MXD1: variants seen among roughly 807,000 people sequenced by gnomAD.
The protein encoded by MXD1 is MAX-binding protein.
MXD1 carries 9 observed loss-of-function variants against 25.7 expected under a neutral mutation model. The observed-to-expected ratio is 0.35, with a 90% confidence interval of 0.21 to 0.61. The LOEUF (loss-of-function observed/expected upper bound fraction) is 0.61. Among genes scored for constraint, MXD1 ranks in the 20% least tolerant of loss-of-function variants. MXD1 has a pLI of 0.75. For synonymous variants in MXD1, 99 were observed against 113.9 expected, an observed-to-expected ratio of 0.87 and a Z score of 0.83; for missense variants, 227 against 292.4, an observed-to-expected ratio of 0.78 and a Z score of 1.63.
chr2:69,921,937 G>A lies in MXD1; in HGVS notation c.203+172G>A, dbSNP rs191774266. On this transcript the variant is annotated intron_variant, in intron 3 of 5. Coordinates refer to ENST00000264444, the MANE Select transcript of MXD1 (RefSeq NM_002357.4). The stretch of plus-strand genomic sequence containing the variant: ...CATAAATTACTTAGGTAGATGTAGA[G>A]CTTGCCAGTTAAAAGACCACACCCC... Among the ~76,000 whole-genome samples, 25 of 152,246 alleles carry A rather than the reference G, an allele frequency of 1.6e-4. 2 individuals are homozygous for A. The East Asian group carries it at 4.6e-3, about 28-fold the overall frequency.
At chr2:69,922,325 G>T (rs968755446) in intron 3 of MXD1, among the ~76,000 whole-genome samples, 11 of 152,122 alleles carry the variant, frequency 7.2e-5, no homozygotes, top group African/African-American at 2.7e-4. Flanking sequence ...AGCCTGAGTG[G>T]AATCTCTCTC....
In MXD1 at chr2:69,937,363, C is replaced by T. The variant is rs150099034; in HGVS notation, c.447C>T (p.Thr149=). ...ERIRMDSIGS[T]VSSERSDSDR... ...TCCGGATGGACAGCATCGGCTCCAC[C>T]GTCTCCTCGGAGCGCTCCGACTCCG... is the stretch of plus-strand genomic sequence containing the variant. The change falls in exon 5 of 6, where the codon ACC becomes ACT. Residue 149 remains threonine (T), a synonymous_variant. Coordinates refer to ENST00000264444, the MANE Select transcript of MXD1 (RefSeq NM_002357.4). 1.4e-5 allele frequency: 22 copies of T among 1,613,148 alleles called. No individual in the cohort carries two copies. Among genetic ancestry groups the T allele is most frequent in the South Asian group, 2.2e-5 (2 of 90,982 alleles).
In MXD1 at chr2:69,938,351, G is replaced by A; in HGVS notation, c.*67G>A. The A allele has an allele frequency of 1.3e-6, 2 of 1,521,300 alleles. No homozygotes were observed. The highest frequency in any genetic ancestry group is 1.8e-6 in the Non-Finnish European group (2 of 1,111,028). The allele number at this position is 1,521,300 out of a possible 1,614,324, so 94.2% of individuals were successfully genotyped here. A position where few individuals can be genotyped will look rare whatever the true frequency, so the allele number is the denominator to read the frequency against. On this transcript the variant is annotated 3_prime_UTR_variant, in exon 6 of 6. Transcript: ENST00000264444. ...TTGGTTCTGATTAGGTAACGTATTG[G>A]ACCTGCCCACAACTCCCTTGCACGT...
At position 69,915,477 on chromosome 2, in the gene MXD1, C is replaced by A; in HGVS notation, c.73+74C>A. Reference sequence around the variant, plus strand: ...GTGGGGCCGGCCTCAGGTCCGGGCGCCCAGCCGCTCCGGGGGTGGTTGGAG... The same window carrying A: ...GTGGGGCCGGCCTCAGGTCCGGGCGACCAGCCGCTCCGGGGGTGGTTGGAG... On this transcript the variant is annotated intron_variant, in intron 1 of 5. Coordinates refer to ENST00000264444, the MANE Select transcript of MXD1 (RefSeq NM_002357.4). The surrounding 1 kb of genome is among the most constrained non-coding windows in gnomAD (Gnocchi z 5.8). 2.5e-6 allele frequency: 3 copies of A among 1,183,208 alleles called. No individual in the cohort carries two copies. The highest frequency in any genetic ancestry group is 3.2e-6 in the Non-Finnish European group (3 of 927,528). The allele number at this position is 1,183,208 out of a possible 1,614,324, so 73.3% of individuals were successfully genotyped here. A position where few individuals can be genotyped will look rare whatever the true frequency, so the allele number is the denominator to read the frequency against.
chr2:69,938,469 TTC>T lies in MXD1; in HGVS notation c.*189_*190del. ...TGGGTTTCTGATTGCATCCACTAGC[TTC>T]TCTTTTTCTCGCCATAAAAATTTGT... On this transcript the variant is annotated 3_prime_UTR_variant, in exon 6 of 6. Coordinates refer to ENST00000264444, the MANE Select transcript of MXD1 (RefSeq NM_002357.4). 1.7e-6 allele frequency: 1 copy of T among 586,668 alleles called. No individual in the cohort carries two copies. The highest frequency in any genetic ancestry group is 3.0e-6 in the Non-Finnish European group (1 of 333,778). 36.3% of individuals were successfully genotyped at this position (586,668 alleles called of 1,614,324 possible). A position where few individuals can be genotyped will look rare whatever the true frequency, so the allele number is the denominator to read the frequency against.
rs1455326938 is a variant in MXD1 at position 69,941,858 on chromosome 2, A to G, written c.*3574A>G. The G allele has an allele frequency of 7.3e-6, 1 of 136,858 alleles. No individual in the cohort carries two copies. The highest frequency in any genetic ancestry group is 3.0e-5 in the African/African-American group (1 of 33,440). The allele number at this position is 136,858 out of a possible 1,614,324, so 8.5% of individuals were successfully genotyped here. A position where few individuals can be genotyped will look rare whatever the true frequency, so the allele number is the denominator to read the frequency against. On this transcript the variant is annotated 3_prime_UTR_variant, in exon 6 of 6. Transcript: ENST00000264444. ...GAGAACTTATTTTTGAAAAGTATCT[A>G]TATATACACACACACACACACACAC...
intron 5 of MXD1, among the ~76,000 whole-genome samples, 187 bp from the exon 6 acceptor site, chr2:69,937,910 A>C (rs1447573294): frequency 6.6e-6 from 1 of 152,022 alleles, no homozygotes; most frequent in Non-Finnish European, 1.5e-5. Flanking sequence ...CACCACACCC[A>C]GCCAAATTTT....
rs1264821197 is a variant in MXD1, at chr2:69,938,869, T to C, written c.*585T>C. Reference sequence around the variant, plus strand: ...ATTCCCCCGACGCGCCGCGTGTGGATGGGAGCAGTATTTCTCACTTTAAAA... The same window carrying C: ...ATTCCCCCGACGCGCCGCGTGTGGACGGGAGCAGTATTTCTCACTTTAAAA... On this transcript the variant is annotated 3_prime_UTR_variant, in exon 6 of 6. Coordinates refer to ENST00000264444, the MANE Select transcript of MXD1 (RefSeq NM_002357.4). 6.5e-6 allele frequency: 1 copy of C among 152,972 alleles called. No individual in the cohort carries two copies. Among genetic ancestry groups the C allele is most frequent in the Non-Finnish European group, 1.5e-5 (1 of 68,348 alleles). 9.5% of individuals were successfully genotyped at this position (152,972 alleles called of 1,614,324 possible). A position where few individuals can be genotyped will look rare whatever the true frequency, so the allele number is the denominator to read the frequency against.
intron 2 of MXD1, 107 bp downstream of exon 2, chr2:69,916,327 T>C: frequency 1.4e-6 from 1 of 706,118 alleles, no homozygotes. Context: ...AATTACATTG[T>C]GGCCGTCATG....
chr2:69,927,809 A>G (rs1042818538), intron 3 of MXD1, among the ~76,000 whole-genome samples: 3 of 152,242 alleles, frequency 2.0e-5, no homozygotes, highest in Admixed American at 6.5e-5. Flanking sequence ...GTATATTACT[A>G]TCTTTGTATT....
chr2:69,918,976 G>T (rs1482083947), intron 2 of MXD1, among the ~76,000 whole-genome samples: 3 of 152,132 alleles, frequency 2.0e-5, no homozygotes, highest in South Asian at 2.1e-4. Context: ...CTTCAGTAAT[G>T]CTCTAGCCAT....
rs566054342 is a variant in MXD1, at chr2:69,938,081, C to T, written c.479-16C>T. The T allele has an allele frequency of 1.2e-6, 2 of 1,612,192 alleles. No individual in the cohort carries two copies. The highest frequency in any genetic ancestry group is 1.1e-5 in the South Asian group (1 of 90,930). The stretch of plus-strand genomic sequence containing the variant: ...AGCGCTTTCATCAATGTCCTTCTCT[C>T]TTGTCCTCCCTGCAGAAGAAATCGA... On this transcript the variant is annotated splice_polypyrimidine_tract_variant and intron_variant, in intron 5 of 5. Coordinates refer to ENST00000264444, the MANE Select transcript of MXD1 (RefSeq NM_002357.4).
chr2:69,923,581 C>CGTGT (rs10652254), intron 3 of MXD1, among the ~76,000 whole-genome samples: 68,040 of 150,238 alleles, frequency 0.45, 15,688 homozygotes, highest in African/African-American at 0.56. Context: ...TATGGAATTT[C>CGTGT]GTGTGTGTGT....
At chr2:69,920,161 G>A (rs1677038655) in intron 2 of MXD1, among the ~76,000 whole-genome samples, 1 of 151,930 alleles carries the variant, frequency 6.6e-6, no homozygotes, top group South Asian at 2.1e-4. Flanking sequence ...GCTAATTTTT[G>A]TATTTTAGTA....
chr2:69,916,048 G>T, intron 1 of MXD1, 73 bp from the exon 2 acceptor site: 1 of 799,156 alleles, frequency 1.3e-6, no homozygotes, highest in Non-Finnish European at 2.1e-6. Flanking sequence ...AAAGGAAAAA[G>T]GAAATACTGT....
chr2:69,916,651 G>C (rs1395687483), intron 2 of MXD1, among the ~76,000 whole-genome samples: 1 of 152,072 alleles, frequency 6.6e-6, no homozygotes, highest in Non-Finnish European at 1.5e-5. Flanking sequence ...TACCTGACTT[G>C]GCATAAGTGA....
chr2:69,932,342 T>C (rs912533458), intron 3 of MXD1, among the ~76,000 whole-genome samples: 3 of 152,206 alleles, frequency 2.0e-5, no homozygotes, highest in African/African-American at 7.2e-5. Flanking sequence ...CACTACTGTA[T>C]GATAGAACTG....
At chr2:69,922,228 A>C (rs1192975649) in intron 3 of MXD1, among the ~76,000 whole-genome samples, 1 of 152,202 alleles carries the variant, frequency 6.6e-6, no homozygotes, top group East Asian at 1.9e-4. Context: ...GAGTCTCAAA[A>C]TTCAGGCAAA....
At position 69,915,528 on chromosome 2, in the gene MXD1, C is replaced by A. The variant is rs2104152230; in HGVS notation, c.73+125C>A. 1.4e-6 allele frequency: 1 copy of A among 697,706 alleles called. No homozygotes were observed. Among genetic ancestry groups the A allele is most frequent in the Non-Finnish European group, 2.1e-6 (1 of 487,674 alleles). 43.2% of individuals were successfully genotyped at this position (697,706 alleles called of 1,614,324 possible). ...GCGGGGAGACCGCGAGCGCTCCCAA[C>A]CCCTCTGGCTCTCCCCACGCGCGGT... is the stretch of plus-strand genomic sequence containing the variant. On this transcript the variant is annotated intron_variant, in intron 1 of 5. Coordinates refer to ENST00000264444, the MANE Select transcript of MXD1 (RefSeq NM_002357.4). This position sits in a 1 kb window ranked among gnomAD's most constrained non-coding sequence, Gnocchi z 5.8.
Sources: gnomAD v4.1 joint callset for allele counts (sites outside exome capture counted in the v4.1 genomes callset) on GRCh38, gnomAD v4.1.1 for gene constraint, Gnocchi (gnomAD v3.1) non-coding constraint, MANE v1.5 for transcripts, NCBI Gene and HGNC (gene_info 2026-07-23, HGNC 2026-07-21) for gene names.